Variants in MACC1 observed in about 807,000 individuals in gnomAD.
The protein encoded by MACC1 is metastasis-associated in colon cancer protein 1.
Under a neutral mutation model 70.7 loss-of-function variants are expected in MACC1, and 79 were observed. The ratio of observed to expected loss-of-function variants is 1.12; its 90% CI spans 0.93 to 1.35. The LOEUF is 1.35. Among genes scored for constraint, MACC1 ranks in the 40% most tolerant of loss-of-function variants. MACC1 has a pLI of 0.00. For missense variants in MACC1, 1,106 were observed against 978.1 expected (o/e 1.13, Z -1.74); for synonymous variants, 361 against 347.2 (o/e 1.04, Z -0.44).
intron 6 of MACC1, among the ~76,000 whole-genome samples, chr7:20,143,233 C>T (rs1781833170): frequency 6.6e-6 from 1 of 152,202 alleles, no homozygotes; most frequent in African/African-American, 2.4e-5. Context: ...CAAGAAGCAG[C>T]TTCTCCATGC....
intron 6 of MACC1, among the ~76,000 whole-genome samples, chr7:20,145,528 G>A (rs757264791): frequency 2.0e-5 from 3 of 151,984 alleles, no homozygotes; most frequent in Non-Finnish European, 2.9e-5. Flanking sequence ...GTAGAAAATA[G>A]AGGTATTTTA....
intron 1 of MACC1, among the ~76,000 whole-genome samples, chr7:20,204,311 C>A (rs6976297): frequency 9.9e-5 from 15 of 152,040 alleles, no homozygotes; most frequent in Non-Finnish European, 1.9e-4. Context: ...CCCACCACCA[C>A]GCCCGGCTAA....
intron 1 of MACC1, among the ~76,000 whole-genome samples, chr7:20,186,621 CAAT>C (rs1227061795): frequency 6.6e-6 from 1 of 151,068 alleles, no homozygotes; most frequent in Non-Finnish European, 1.5e-5. Flanking sequence ...TAAATAACAA[CAAT>C]GTCTAAGGAA....
intron 1 of MACC1, among the ~76,000 whole-genome samples, chr7:20,178,206 T>C (rs1240608236): frequency 6.6e-6 from 1 of 152,062 alleles, no homozygotes; most frequent in Non-Finnish European, 1.5e-5. Flanking sequence ...CATAAAAATA[T>C]CTGCTTATTG....
intron 1 of MACC1, among the ~76,000 whole-genome samples, chr7:20,204,309 C>G (rs1459317923): frequency 6.6e-6 from 1 of 152,098 alleles, no homozygotes; most frequent in African/African-American, 2.4e-5. Context: ...CGCCCACCAC[C>G]ACGCCCGGCT....
rs182732375 is a variant in MACC1, at chr7:20,140,661, T to C, written c.*285A>G. 1 of 305,796 alleles carries C rather than the reference T, an allele frequency of 3.3e-6. No individual in the cohort carries two copies. The highest frequency in any genetic ancestry group is 5.9e-6 in the Non-Finnish European group (1 of 168,386). 18.9% of individuals were successfully genotyped at this position (305,796 alleles called of 1,614,324 possible). On this transcript the variant is annotated 3_prime_UTR_variant, in exon 7 of 7. Coordinates refer to ENST00000400331, the MANE Select transcript of MACC1 (RefSeq NM_182762.4). ...AGAACAAAGCAGCCTAATACTTGTA[T>C]TTGAAACATACACAAAAATACATAT...
intron 6 of MACC1, 119 bp downstream of exon 6, chr7:20,154,074 T>G: frequency 7.1e-6 from 7 of 980,064 alleles, no homozygotes; most frequent in Non-Finnish European, 9.4e-6. Flanking sequence ...AGTGATTCAG[T>G]TAGTGGATCA....
At chr7:20,147,221 A>G (rs890820706) in intron 6 of MACC1, among the ~76,000 whole-genome samples, 1 of 152,224 alleles carries the variant, frequency 6.6e-6, no homozygotes, top group Admixed American at 6.5e-5. Context: ...CCAGAAGCCA[A>G]TAAGACTCAT....
chr7:20,155,850 C>T (rs1382413128), intron 5 of MACC1, among the ~76,000 whole-genome samples: 1 of 152,122 alleles, frequency 6.6e-6, no homozygotes. Context: ...AGTGGGGTTA[C>T]TACTTTATAT....
chr7:20,200,086 T>C (rs2128108117), intron 1 of MACC1, among the ~76,000 whole-genome samples: 1 of 152,010 alleles, frequency 6.6e-6, no homozygotes, highest in African/African-American at 2.4e-5. Flanking sequence ...TGTATTTCCT[T>C]TTACAGATGA....
In MACC1 at chr7:20,159,862, C is replaced by A; in HGVS notation, c.499G>T (p.Asp167Tyr). Residue 167 changes from aspartate to tyrosine, a missense_variant, in exon 5 of 7, where the codon GAC becomes TAC. Coordinates refer to ENST00000400331, the MANE Select transcript of MACC1 (RefSeq NM_182762.4). ...IHNSDQILLH[D>Y]LEWLKNDREA... ...CGATCATTTTTAAGCCACTCTAAGT[C>A]GTGTAGTAGGATCTGGTCAGAGTTA... 1 of 1,614,108 alleles carries A rather than the reference C, an allele frequency of 6.2e-7. No individual in the cohort carries two copies. The highest frequency in any genetic ancestry group is 8.5e-7 in the Non-Finnish European group (1 of 1,180,036).
chr7:20,202,598 A>G (rs1782848880), intron 1 of MACC1, among the ~76,000 whole-genome samples: 1 of 152,230 alleles, frequency 6.6e-6, no homozygotes, highest in Non-Finnish European at 1.5e-5. Context: ...CTTTATGAGA[A>G]TTAAATGATT....
Position 20,140,754 on chromosome 7 carries a change from G to C in MACC1, c.*192C>G, listed in dbSNP as rs1454080472. 12 of 443,142 alleles carry C rather than the reference G, an allele frequency of 2.7e-5. No homozygotes were observed. In the East Asian group the frequency reaches 4.2e-4, roughly 15 times the overall value. The allele number at this position is 443,142 out of a possible 1,614,324, so 27.5% of individuals were successfully genotyped here. ...TCATCAGGAAAAAAAAACTGGTTTT[G>C]AGCATGAAGAAAATTAATATAATGC... is the stretch of plus-strand genomic sequence containing the variant. On this transcript the variant is annotated 3_prime_UTR_variant, in exon 7 of 7. Coordinates refer to ENST00000400331, the MANE Select transcript of MACC1 (RefSeq NM_182762.4).
At chr7:20,154,054 T>C (rs1189901526) in intron 6 of MACC1, 139 bp downstream of exon 6, 2 of 767,052 alleles carry the variant, frequency 2.6e-6, no homozygotes, top group African/African-American at 3.5e-5. Flanking sequence ...TACTGATGAG[T>C]TACTAGTGCA....
chr7:20,151,349 T>A (rs112526095), intron 6 of MACC1, among the ~76,000 whole-genome samples: 1 of 152,180 alleles, frequency 6.6e-6, no homozygotes, highest in Non-Finnish European at 1.5e-5. Flanking sequence ...TTTTAAAAAA[T>A]TAAAACTCTA....
intron 1 of MACC1, among the ~76,000 whole-genome samples, chr7:20,179,314 A>G (rs1000252437): frequency 1.3e-5 from 2 of 152,208 alleles, no homozygotes; most frequent in Admixed American, 6.5e-5. Flanking sequence ...ATTTTGATTA[A>G]GTCCACTTAA....
chr7:20,154,306 T>C lies in MACC1; in HGVS notation c.2233A>G (p.Lys745Glu), dbSNP rs1172815876. The C allele has an allele frequency of 4.3e-6, 7 of 1,613,866 alleles. No homozygotes were observed. Among genetic ancestry groups the C allele is most frequent in the African/African-American group, 1.3e-5 (1 of 74,908 alleles). ...AGTTCCCTCCAGCCTTTTCCAAGCTTGACAGCTGAAGTCAGAACAGCAGCT... is the reference window on the plus strand; with the variant it reads ...AGTTCCCTCCAGCCTTTTCCAAGCTCGACAGCTGAAGTCAGAACAGCAGCT... The part of the protein sequence containing the change: ...QEAAVLTSAV[K>E]LGKGWRELAE... The change falls in exon 6 of 7, where the codon AAG becomes GAG. Residue 745 changes from lysine to glutamate, a missense_variant. By Grantham distance (56) the Lys-to-Glu change is moderately conservative (BLOSUM62 1). Transcript: ENST00000400331.
Position 20,161,828 on chromosome 7 carries a change from C to T in MACC1, c.35G>A (p.Gly12Glu). 1 of 1,612,366 alleles carries T rather than the reference C, an allele frequency of 6.2e-7. No individual in the cohort carries two copies. Among genetic ancestry groups the T allele is most frequent in the South Asian group, 1.1e-5 (1 of 90,992 alleles). The change falls in exon 4 of 7, where the codon GGA (glycine) becomes GAA (glutamate). Residue 12 changes from glycine (G) to glutamate (E), a missense_variant. Coordinates refer to ENST00000400331, the MANE Select transcript of MACC1 (RefSeq NM_182762.4). ...LITERKHFRS[G>E]RIAQSMSEAN... ...TTCAGACATACTTTGTGCAATTCTTCCTGACCGAAAATGTTTTCTTTCAGT... is the reference window on the plus strand; with the variant it reads ...TTCAGACATACTTTGTGCAATTCTTTCTGACCGAAAATGTTTTCTTTCAGT...
At chr7:20,178,286 CA>C (rs1250528358) in intron 1 of MACC1, among the ~76,000 whole-genome samples, 6,278 of 151,458 alleles carry the variant, frequency 0.041, 442 homozygotes, top group African/African-American at 0.14. Flanking sequence ...CACACACACA[CA>C]CACACACACA....
Sources: gnomAD v4.1 joint callset for allele counts (sites outside exome capture counted in the v4.1 genomes callset) on GRCh38, gnomAD v4.1.1 for gene constraint, MANE v1.5 for transcripts, NCBI Gene and HGNC (gene_info 2026-07-23, HGNC 2026-07-21) for gene names.